PTPN14: variants seen among roughly 807,000 people sequenced by gnomAD.
PTPN14 encodes the protein tyrosine-protein phosphatase non-receptor type 14.
In PTPN14, 53 loss-of-function variants were observed where a neutral mutation model predicts 126.8. The observed-to-expected ratio is 0.42, with a 90% CI of 0.34 to 0.53. PTPN14 has a LOEUF of 0.53. Among genes scored for constraint, PTPN14 ranks in the 20% least tolerant of loss-of-function variants. The pLI is 0.08. For missense variants in PTPN14, 1,257 were observed against 1,552.9 expected (o/e 0.81, Z 3.20); for synonymous variants, 630 against 599.3 (o/e 1.05, Z -0.75).
chr1:214,541,775 AT>A (rs1054775657), intron 1 of PTPN14, among the ~76,000 whole-genome samples: 1 of 152,036 alleles, frequency 6.6e-6, no homozygotes, highest in African/African-American at 2.4e-5. Context: ...TCATGGGAAT[AT>A]TTTTTCTCAA....
In PTPN14 at chr1:214,531,429, G is replaced by A. The variant is rs888340613; in HGVS notation, c.-155+19754C>T. The A allele has an allele frequency of 2.0e-5, 3 of 149,606 alleles. No individual in the cohort carries two copies. The Admixed American group carries it at 2.0e-4, about 10-fold the overall frequency. 9.3% of individuals were successfully genotyped at this position (149,606 alleles called of 1,614,324 possible). ...GTTTCTCCGCCAAATGAGGGAGGAG[G>A]CATTTGCACTCCAATAGTAGTTTCA... On this transcript the variant is annotated intron_variant, in intron 1 of 18. Transcript: ENST00000366956.
At chr1:214,458,302 C>T (rs1356699972) in intron 2 of PTPN14, among the ~76,000 whole-genome samples, 1 of 152,130 alleles carries the variant, frequency 6.6e-6, no homozygotes, top group Non-Finnish European at 1.5e-5. Flanking sequence ...TCCATCTTGG[C>T]CTCCCAGTGT....
In PTPN14 at chr1:214,369,690, T is replaced by C; in HGVS notation, c.3038A>G (p.Glu1013Gly). The C allele has an allele frequency of 6.2e-7, 1 of 1,613,448 alleles. No individual in the cohort carries two copies. Among genetic ancestry groups the C allele is most frequent in the Middle Eastern group, 1.7e-4 (1 of 6,056 alleles). ...NVIAMVTAEEEGGRTKSHRYW... is the reference protein window; with the variant it reads ...NVIAMVTAEEGGGRTKSHRYW... ...TCGGTGGCTTTTGGTTCGTCCACCC[T>C]CCTAAATCACATATAAAAGCAAAAT... The change falls in exon 17 of 19, where the codon GAG (glutamate) becomes GGG (glycine). Residue 1013 changes from glutamate (E) to glycine (G), a missense_variant and splice_region_variant. By Grantham distance (98) the Glu-to-Gly change is moderately conservative. Coordinates refer to ENST00000366956, the MANE Select transcript of PTPN14 (RefSeq NM_005401.5).
chr1:214,484,899 C>T (rs146098795), intron 1 of PTPN14, among the ~76,000 whole-genome samples: 3 of 152,194 alleles, frequency 2.0e-5, no homozygotes, highest in Admixed American at 1.3e-4. Context: ...ATACAAGAGG[C>T]GTTTGTTTCA....
At chr1:214,472,839 C>G (rs757887563) in intron 1 of PTPN14, among the ~76,000 whole-genome samples, 2 of 152,178 alleles carry the variant, frequency 1.3e-5, no homozygotes, top group Non-Finnish European at 2.9e-5. Context: ...TTCTCACAGA[C>G]AGAGATTGCA....
chr1:214,525,570 A>G (rs1455547309), intron 1 of PTPN14, among the ~76,000 whole-genome samples: 1 of 152,248 alleles, frequency 6.6e-6, no homozygotes, highest in African/African-American at 2.4e-5. Flanking sequence ...AAGAGTAAAC[A>G]GCACAGAAGT....
At chr1:214,515,600 A>G (rs1476703312) in intron 1 of PTPN14, among the ~76,000 whole-genome samples, 4 of 152,196 alleles carry the variant, frequency 2.6e-5, no homozygotes, top group Non-Finnish European at 5.9e-5. Context: ...AGTAGGGAAT[A>G]TCTTTTCATT....
chr1:214,421,799 T>G (rs552878622), intron 3 of PTPN14, among the ~76,000 whole-genome samples: 1 of 152,290 alleles, frequency 6.6e-6, no homozygotes, highest in East Asian at 1.9e-4. Context: ...GCCATTTCCT[T>G]GGTCTAACCA....
At chr1:214,512,894 G>A (rs1232905160) in intron 1 of PTPN14, among the ~76,000 whole-genome samples, 4 of 151,940 alleles carry the variant, frequency 2.6e-5, no homozygotes, top group Admixed American at 6.6e-5. Flanking sequence ...TTTTTGCCAC[G>A]TTGGCCAGGC....
chr1:214,363,107 T>C (rs1267846284), intron 18 of PTPN14, among the ~76,000 whole-genome samples: 1 of 152,196 alleles, frequency 6.6e-6, no homozygotes, highest in African/African-American at 2.4e-5. Flanking sequence ...TGGGGCAAAA[T>C]GGTAAAAACT....
At chr1:214,466,439 A>G (rs1660641032) in intron 1 of PTPN14, among the ~76,000 whole-genome samples, 2 of 152,256 alleles carry the variant, frequency 1.3e-5, no homozygotes, top group African/African-American at 4.8e-5. Context: ...CAAATCACAG[A>G]TAATTTAATT....
intron 1 of PTPN14, among the ~76,000 whole-genome samples, chr1:214,550,898 G>A (rs1213920007): frequency 6.6e-6 from 1 of 152,208 alleles, no homozygotes; most frequent in Non-Finnish European, 1.5e-5. Flanking sequence ...GAAGGGAATG[G>A]AGAGAGGGGA....
chr1:214,408,869 G>GA (rs201413975), intron 5 of PTPN14, among the ~76,000 whole-genome samples: 7 of 150,258 alleles, frequency 4.7e-5, no homozygotes, highest in African/African-American at 7.3e-5. Flanking sequence ...AGTACGTTCA[G>GA]AAAAAAAAAG....
chr1:214,359,062 C>T (rs1657891273), intron 18 of PTPN14, among the ~76,000 whole-genome samples: 1 of 151,830 alleles, frequency 6.6e-6, no homozygotes, highest in African/African-American at 2.4e-5. Flanking sequence ...CCTTTATTAA[C>T]ATTAATAAAT....
chr1:214,497,441 T>G (rs1290981941), intron 1 of PTPN14, among the ~76,000 whole-genome samples: 1 of 152,202 alleles, frequency 6.6e-6, no homozygotes, highest in East Asian at 1.9e-4. Context: ...AGGTAAAACA[T>G]TTTTAAGCAG....
chr1:214,424,575 T>C (rs1325396117), intron 3 of PTPN14, among the ~76,000 whole-genome samples: 2 of 151,516 alleles, frequency 1.3e-5, no homozygotes, highest in Non-Finnish European at 2.9e-5. Context: ...TTGCCCAGGC[T>C]GGAGTGCAGT....
chr1:214,442,800 CT>C (rs1660062985), intron 3 of PTPN14, among the ~76,000 whole-genome samples: 1 of 149,290 alleles, frequency 6.7e-6, no homozygotes, highest in Non-Finnish European at 1.5e-5. Flanking sequence ...CAATAGCTAA[CT>C]ACCTAACTGC....
At chr1:214,509,836 T>C (rs1654929273) in intron 1 of PTPN14, among the ~76,000 whole-genome samples, 1 of 152,180 alleles carries the variant, frequency 6.6e-6, no homozygotes, top group African/African-American at 2.4e-5. Context: ...ACGTCCTTTG[T>C]AGGGACATGG....
At chr1:214,390,952 G>T in intron 11 of PTPN14, 36 bp downstream of exon 11, 1 of 1,432,836 alleles carries the variant, frequency 7.0e-7, no homozygotes, top group South Asian at 1.5e-5. Flanking sequence ...ATGCTCAACA[G>T]TCAGATCACT....
Sources: gnomAD v4.1 joint callset for allele counts (sites outside exome capture counted in the v4.1 genomes callset) on GRCh38, gnomAD v4.1.1 for gene constraint, MANE v1.5 for transcripts, NCBI Gene and HGNC (gene_info 2026-07-23, HGNC 2026-07-21) for gene names.